The following STK11 variants were observed in gnomAD, a reference collection of about 807,000 sequenced individuals.
STK11 encodes serine/threonine kinase 11.
A neutral mutation model predicts 47.3 loss-of-function variants in STK11; 8 were observed. The ratio of observed to expected loss-of-function variants is 0.17; its 90% CI spans 0.10 to 0.31. STK11 has a LOEUF of 0.31. STK11 is among the 10% of genes least tolerant of loss of function. The pLI is 1.00. For synonymous variants in STK11, 330 were observed against 255.8 expected, an observed-to-expected ratio of 1.29 and a Z score of -2.77; for missense variants, 475 against 605.0, an observed-to-expected ratio of 0.79 and a Z score of 2.25.
intron 8 of STK11, 185 bp from the exon 9 acceptor site, chr19:1,226,269 G>C: frequency 3.5e-6 from 5 of 1,422,036 alleles, no homozygotes; most frequent in Non-Finnish European, 3.7e-6. Context: ...GCTCAGCCCC[G>C]GGGGGTGCCT....
At chr19:1,219,557 T>A (rs888801776) in intron 3 of STK11, 144 bp downstream of exon 3, 5 of 868,906 alleles carry the variant, frequency 5.8e-6, no homozygotes, top group South Asian at 1.8e-5. Flanking sequence ...TTTTTGTGTT[T>A]TTTTTCGAGA....
chr19:1,224,331 C>T (rs551112051), intron 8 of STK11: 10 of 985,402 alleles, frequency 1.0e-5, no homozygotes, highest in African/African-American at 5.2e-5. Flanking sequence ...ACGACCATCG[C>T]GTCTGGTCTG....
At chr19:1,216,991 C>T (rs1038715723) in intron 1 of STK11, among the ~76,000 whole-genome samples, 17 of 151,968 alleles carry the variant, frequency 1.1e-4, no homozygotes, top group African/African-American at 3.9e-4. Context: ...TGATCCTCGT[C>T]TGTGGAAGGG....
chr19:1,227,444 AG>A (rs1231619583), intron 9 of STK11, 148 bp from the exon 10 acceptor site: 2 of 793,630 alleles, frequency 2.5e-6, no homozygotes, highest in Non-Finnish European at 3.2e-6. Flanking sequence ...GAGTGACTCA[AG>A]GGTGGCCTTC....
intron 8 of STK11, chr19:1,224,018 A>G (rs1265027552): frequency 9.9e-7 from 1 of 1,006,694 alleles, no homozygotes; most frequent in Non-Finnish European, 1.2e-6. Flanking sequence ...CCCAGTGCAC[A>G]GGGTCCACCC....
At chr19:1,227,340 T>C in intron 9 of STK11, 1 of 212,252 alleles carries the variant, frequency 4.7e-6, no homozygotes, top group Non-Finnish European at 9.0e-6. Flanking sequence ...CCGCCTGAGT[T>C]ACATGTCTGT....
chr19:1,225,643 G>C, intron 8 of STK11: 1 of 985,566 alleles, frequency 1.0e-6, no homozygotes, highest in Non-Finnish European at 1.2e-6. Context: ...AAGCTGCTGA[G>C]TCAGCCACTG....
chr19:1,218,811 C>T (rs575263534), intron 2 of STK11, among the ~76,000 whole-genome samples: 3 of 152,308 alleles, frequency 2.0e-5, no homozygotes, highest in East Asian at 1.9e-4. Context: ...GCGGGCTGAC[C>T]GTTGTGGGCC....
rs2145404168 is a variant in STK11 at position 1,206,868 on chromosome 19, C to T, written c.-46C>T. 2 of 1,530,802 alleles carry T rather than the reference C, an allele frequency of 1.3e-6. No individual in the cohort carries two copies. The highest frequency in any genetic ancestry group is 1.8e-6 in the Non-Finnish European group (2 of 1,131,382). 94.8% of individuals were successfully genotyped at this position (1,530,802 alleles called of 1,614,324 possible). A position where few individuals can be genotyped will look rare whatever the true frequency, so the allele number is the denominator to read the frequency against. On this transcript the variant is annotated 5_prime_UTR_variant, in exon 1 of 10. Transcript: ENST00000326873. Reference sequence around the variant, plus strand: ...GGAACACAAGGAAGGACCGCTCACCCGCGGACTCAGGGCTGGCGGCGGGAC... The same window carrying T: ...GGAACACAAGGAAGGACCGCTCACCTGCGGACTCAGGGCTGGCGGCGGGAC...
intron 1 of STK11, among the ~76,000 whole-genome samples, chr19:1,211,501 C>T (rs946622154): frequency 3.3e-5 from 5 of 152,116 alleles, no homozygotes; most frequent in Non-Finnish European, 5.9e-5. Flanking sequence ...TGCCTCCCTC[C>T]CCCTTTCCAC....
chr19:1,217,246 T>G (rs531903106), intron 1 of STK11, among the ~76,000 whole-genome samples: 2 of 152,122 alleles, frequency 1.3e-5, no homozygotes, highest in African/African-American at 4.8e-5. Context: ...CAGGGTCTTA[T>G]TCTGTTGTCC....
At chr19:1,217,987 C>CA (rs940837956) in intron 1 of STK11, among the ~76,000 whole-genome samples, 1 of 152,076 alleles carries the variant, frequency 6.6e-6, no homozygotes, top group Non-Finnish European at 1.5e-5. Context: ...TACTAAAATA[C>CA]AAAAAAATTA....
At chr19:1,218,665 C>T (rs770274105) in intron 2 of STK11, among the ~76,000 whole-genome samples, 165 bp downstream of exon 2, 9 of 152,130 alleles carry the variant, frequency 5.9e-5, no homozygotes, top group Non-Finnish European at 1.3e-4. Context: ...GTGGCAATGG[C>T]TGCGCAGCTT....
intron 2 of STK11, among the ~76,000 whole-genome samples, chr19:1,219,072 G>A (rs1183273314): frequency 1.3e-5 from 2 of 152,150 alleles, no homozygotes; most frequent in Non-Finnish European, 2.9e-5. Context: ...GGCAGGGTGG[G>A]GGACGTGAGC....
chr19:1,224,824 C>T, intron 8 of STK11: 1 of 985,594 alleles, frequency 1.0e-6, no homozygotes, highest in Non-Finnish European at 1.2e-6. Flanking sequence ...GGCCTCAGTA[C>T]TCAGTACTGG....
intron 1 of STK11, among the ~76,000 whole-genome samples, chr19:1,209,047 C>T (rs971001171): frequency 6.6e-6 from 1 of 152,120 alleles, no homozygotes; most frequent in African/African-American, 2.4e-5. Context: ...TGTGTTTCCA[C>T]GAGGCCTTTC....
chr19:1,227,472 G>GC (rs1325343996), intron 9 of STK11, 121 bp from the exon 10 acceptor site: 2 of 1,027,436 alleles, frequency 1.9e-6, no homozygotes, highest in Non-Finnish European at 2.4e-6. Context: ...CTCCCCTGCT[G>GC]CCCCCCAGGA....
intron 8 of STK11, chr19:1,223,845 T>C (rs2080803044): frequency 2.0e-6 from 2 of 1,025,392 alleles, no homozygotes. Flanking sequence ...GGCCCAGGGC[T>C]GGGCCGTGTC....
In STK11 at chr19:1,220,737, G is replaced by T. The variant is rs375315233; in HGVS notation, c.734+20G>T. The T allele has an allele frequency of 6.3e-7, 1 of 1,599,586 alleles. No individual in the cohort carries two copies. The highest frequency in any genetic ancestry group is 8.5e-7 in the Non-Finnish European group (1 of 1,172,254). On this transcript the variant is annotated intron_variant, in intron 5 of 9. Transcript: ENST00000326873. ...CACCCTGTAAGTGCCCCGCCCCCCCGGGCACTCACCACACGCACACTCCGA... is the reference window on the plus strand; with the variant it reads ...CACCCTGTAAGTGCCCCGCCCCCCCTGGCACTCACCACACGCACACTCCGA...
Sources: gnomAD v4.1 joint callset for allele counts (sites outside exome capture counted in the v4.1 genomes callset) on GRCh38, gnomAD v4.1.1 for gene constraint, MANE v1.5 for transcripts, NCBI Gene and HGNC (gene_info 2026-07-23, HGNC 2026-07-21) for gene names.